TEKT1: variants seen among roughly 807,000 people sequenced by gnomAD.
TEKT1 encodes the protein tektin-1.
Under a neutral mutation model 34.8 loss-of-function variants are expected in TEKT1, and 32 were observed. The observed-to-expected ratio is 0.92, with a 90% confidence interval of 0.69 to 1.23. The LOEUF (loss-of-function observed/expected upper bound fraction) is 1.23, where lower values mean the gene tolerates loss of function less well. Among genes scored for constraint, TEKT1 ranks in the 50% most tolerant of loss-of-function variants. The pLI, the probability that TEKT1 is intolerant of heterozygous loss-of-function variation, is 0.00. For synonymous variants in TEKT1, 207 were observed against 199.8 expected, an observed-to-expected ratio of 1.04 and a Z score of -0.30; for missense variants, 492 against 518.5, an observed-to-expected ratio of 0.95 and a Z score of 0.50.
intron 2 of TEKT1, among the ~76,000 whole-genome samples, chr17:6,821,157 T>A (rs545818390): frequency 6.6e-6 from 1 of 152,210 alleles, no homozygotes; most frequent in East Asian, 1.9e-4. Flanking sequence ...CTTATTTAAT[T>A]GTTGTGTCAC....
Position 6,830,323 on chromosome 17 carries a change from A to T in TEKT1, c.54T>A (p.Ile18=). ...PPKFLPSEWH[I]ANKNQYHRAD... is the part of the protein sequence containing the mutation. ...CTCTGTGGTACTGGTTCTTGTTAGC[A>T]ATGTGCCACTCTGAGGGCAGGAACT... The change falls in exon 2 of 8, where the codon ATT becomes ATA. Residue 18 remains isoleucine, a synonymous_variant. Coordinates refer to ENST00000338694, the MANE Select transcript of TEKT1 (RefSeq NM_053285.2). 1 of 1,609,892 alleles carries T rather than the reference A, an allele frequency of 6.2e-7. No homozygotes were observed. The highest frequency in any genetic ancestry group is 2.2e-5 in the East Asian group (1 of 44,674).
chr17:6,824,025 T>A (rs2151591012), intron 2 of TEKT1, among the ~76,000 whole-genome samples: 1 of 152,182 alleles, frequency 6.6e-6, no homozygotes, highest in East Asian at 1.9e-4. Context: ...GGTCTCACCG[T>A]GTTAGCCAGG....
At position 6,804,952 on chromosome 17, in the gene TEKT1, T is replaced by C. The variant is rs1422957836; in HGVS notation, c.853-4009A>G. Among the ~76,000 whole-genome samples, 7 of 152,222 alleles carry C rather than the reference T, an allele frequency of 4.6e-5. No individual in the cohort carries two copies. The East Asian group carries it at 1.3e-3, about 29-fold the overall frequency. On this transcript the variant is annotated intron_variant, in intron 6 of 7. Coordinates refer to ENST00000338694, the MANE Select transcript of TEKT1 (RefSeq NM_053285.2). The stretch of plus-strand genomic sequence containing the variant: ...TTTTTGTTGTGTCTCTGCCTGGCTT[T>C]GGTATCAGGATGGTGCTGGCCTCAT...
In TEKT1 at chr17:6,813,944, C is replaced by T. The variant is rs186036219; in HGVS notation, c.630-891G>A. Among the ~76,000 whole-genome samples the T allele has an allele frequency of 6.3e-3, 793 of 126,392 alleles. 10 individuals are homozygous for T. Among genetic ancestry groups the T allele is most frequent in the African/African-American group, 0.019 (626 of 32,974 alleles). 82.9% of individuals were successfully genotyped at this position (126,392 alleles called of 152,430 possible). A position where few individuals can be genotyped will look rare whatever the true frequency, so the allele number is the denominator to read the frequency against. ...AAAAAAGACTGTGGCTTCTGTCATC[C>T]GTTCTCTCTCTCTCTCTCTCTCTCT... On this transcript the variant is annotated intron_variant, in intron 5 of 7. Transcript: ENST00000338694.
intron 2 of TEKT1, 40 bp downstream of exon 2, chr17:6,830,147 T>C: frequency 6.3e-7 from 1 of 1,579,714 alleles, no homozygotes; most frequent in Middle Eastern, 1.7e-4. Context: ...AACAGCCTCA[T>C]CCTAGCATGT....
At chr17:6,830,104 G>A in intron 2 of TEKT1, 83 bp downstream of exon 2, 1 of 1,320,166 alleles carries the variant, frequency 7.6e-7, no homozygotes, top group Non-Finnish European at 1.0e-6. Context: ...ATAATATGTT[G>A]CCACATCTGA....
chr17:6,829,095 G>A (rs1904491402), intron 2 of TEKT1, among the ~76,000 whole-genome samples: 1 of 152,206 alleles, frequency 6.6e-6, no homozygotes, highest in Non-Finnish European at 1.5e-5. Context: ...AGATTGCAGT[G>A]AGCTGAGATT....
chr17:6,807,723 T>A (rs1976865309), intron 6 of TEKT1, among the ~76,000 whole-genome samples: 1 of 152,214 alleles, frequency 6.6e-6, no homozygotes, highest in South Asian at 2.1e-4. Context: ...TGGAGTTTGC[T>A]GGAGGTCCAC....
intron 3 of TEKT1, among the ~76,000 whole-genome samples, chr17:6,817,666 A>G (rs1977024789): frequency 6.6e-6 from 1 of 152,010 alleles, no homozygotes; most frequent in Admixed American, 6.6e-5. Context: ...GCTCTTTTTC[A>G]ACCTGCATGA....
intron 6 of TEKT1, among the ~76,000 whole-genome samples, chr17:6,807,411 G>A (rs1298484898): frequency 2.0e-5 from 3 of 152,014 alleles, no homozygotes; most frequent in African/African-American, 4.8e-5. Flanking sequence ...CCATGGGTTC[G>A]AACTTCCTCC....
chr17:6,821,638 G>A (rs997786515), intron 2 of TEKT1, among the ~76,000 whole-genome samples: 1 of 152,214 alleles, frequency 6.6e-6, no homozygotes, highest in Non-Finnish European at 1.5e-5. Context: ...AACAGGCAGA[G>A]GTTGGGACAG....
chr17:6,812,791 T>C (rs1169648995), intron 6 of TEKT1, 40 bp downstream of exon 6: 10 of 1,589,640 alleles, frequency 6.3e-6, no homozygotes, highest in Non-Finnish European at 8.6e-6. Context: ...TGAAAGCTCC[T>C]GAATCTGCTC....
At chr17:6,810,660 T>C (rs1976914102) in intron 6 of TEKT1, among the ~76,000 whole-genome samples, 1 of 152,236 alleles carries the variant, frequency 6.6e-6, no homozygotes, top group African/African-American at 2.4e-5. Context: ...CCCAGAGCAC[T>C]ATAAATCACA....
intron 6 of TEKT1, among the ~76,000 whole-genome samples, chr17:6,806,338 CT>C (rs199580830): frequency 0.037 from 5,603 of 152,182 alleles, 142 homozygotes; most frequent in Middle Eastern, 0.14. Flanking sequence ...TCTTCCATCC[CT>C]TTATTTTGAG....
rs940840079 is a variant in TEKT1 at position 6,811,314 on chromosome 17, G to A, written c.852+1517C>T. Among the ~76,000 whole-genome samples the A allele has an allele frequency of 1.3e-5, 2 of 151,856 alleles. No homozygotes were observed. The highest frequency in any genetic ancestry group is 6.6e-5 in the Admixed American group (1 of 15,254). On this transcript the variant is annotated intron_variant, in intron 6 of 7. Coordinates refer to ENST00000338694, the MANE Select transcript of TEKT1 (RefSeq NM_053285.2). The surrounding 1 kb of genome is among the most constrained non-coding windows in gnomAD (Gnocchi z 4.4). ...TTAATCATATATGCAAAATGTGTGT[G>A]TGTGTGTGTGTGTGTGTGTGAAATG...
intron 3 of TEKT1, among the ~76,000 whole-genome samples, chr17:6,817,963 A>G (rs549162559): frequency 1.3e-5 from 2 of 152,262 alleles, no homozygotes; most frequent in South Asian, 4.1e-4. Context: ...TTTGCTTCAT[A>G]GATTTCTAAA....
intron 6 of TEKT1, among the ~76,000 whole-genome samples, chr17:6,807,129 T>C (rs898310779): frequency 6.6e-6 from 1 of 152,244 alleles, no homozygotes; most frequent in Non-Finnish European, 1.5e-5. Context: ...TTTGGTCTTT[T>C]CACATAGTCC....
At chr17:6,817,323 C>T (rs941018421) in intron 3 of TEKT1, among the ~76,000 whole-genome samples, 12 of 149,270 alleles carry the variant, frequency 8.0e-5, no homozygotes, top group African/African-American at 1.2e-4. Flanking sequence ...TTCGGTGGGC[C>T]GAGATTGCAC....
Position 6,815,876 on chromosome 17 carries a change from G to A in TEKT1, c.443C>T (p.Ala148Val), listed in dbSNP as rs764843110. 1 of 1,614,198 alleles carries A rather than the reference G, an allele frequency of 6.2e-7. No individual in the cohort carries two copies. The highest frequency in any genetic ancestry group is 8.5e-7 in the Non-Finnish European group (1 of 1,180,040). ...CTCCTCCAAGGTACGGGTCAGCAGA[G>A]CCATAATGCCCTGGATGATCTCAGC... ...KEAEIIQGIM[A>V]LLTRTLEEAS... The change falls in exon 4 of 8, where the codon GCT (alanine) becomes GTT (valine). Residue 148 changes from alanine (A) to valine (V), a missense_variant. Transcript: ENST00000338694.
Sources: gnomAD v4.1 joint callset for allele counts (sites outside exome capture counted in the v4.1 genomes callset) on GRCh38, gnomAD v4.1.1 for gene constraint, Gnocchi (gnomAD v3.1) non-coding constraint, MANE v1.5 for transcripts, NCBI Gene and HGNC (gene_info 2026-07-23, HGNC 2026-07-21) for gene names.